ZSCAN23: variants seen among roughly 807,000 people sequenced by gnomAD.
ZSCAN23 encodes zinc finger and SCAN domain-containing protein 23.
A neutral mutation model predicts 19.3 loss-of-function variants in ZSCAN23; 19 were observed. That is an observed-to-expected ratio of 0.99 (90% CI 0.69 to 1.45). The LOEUF (loss-of-function observed/expected upper bound fraction) is 1.45. ZSCAN23 is among the 40% of genes most tolerant of loss of function. The pLI, the probability that ZSCAN23 is intolerant of heterozygous loss-of-function variation, is 0.00. For missense variants in ZSCAN23, 372 were observed against 462.5 expected (o/e 0.80, Z 1.79); for synonymous variants, 140 against 166.2 (o/e 0.84, Z 1.21).
chr6:28,429,788 C>T (rs2114027751), downstream of ZSCAN23, among the ~76,000 whole-genome samples: 1 of 152,282 alleles, frequency 6.6e-6, no homozygotes, highest in South Asian at 2.1e-4. Flanking sequence ...GCAACAGCAC[C>T]CCCTCCGAGT....
rs1761874435 is a variant in ZSCAN23 at position 28,435,901 on chromosome 6, C to T, written c.366G>A (p.Val122=). Residue 122 remains valine, a synonymous_variant, in exon 2 of 4, where the codon GTG becomes GTA. Coordinates refer to ENST00000289788, the MANE Select transcript of ZSCAN23 (RefSeq NM_001012455.2). ...CCAGCTCTCTCTCCAAATCCTCCAG[C>T]ACAGTCACTGCCTCCTCTCCACTCA... ...RPVSGEEAVT[V]LEDLERELDD... 4 of 1,612,550 alleles carry T rather than the reference C, an allele frequency of 2.5e-6. No homozygotes were observed. The highest frequency in any genetic ancestry group is 2.5e-6 in the Non-Finnish European group (3 of 1,179,164).
intron 1 of ZSCAN23, among the ~76,000 whole-genome samples, chr6:28,438,640 G>A (rs575702780): frequency 6.4e-4 from 97 of 152,204 alleles, no homozygotes; most frequent in Non-Finnish European, 1.1e-3. Flanking sequence ...GAGAAGTGCC[G>A]AGCAAAAGGG....
chr6:28,443,413 G>A lies in ZSCAN23; in HGVS notation c.-92C>T, dbSNP rs1318676993. 1 of 152,450 alleles carries A rather than the reference G, an allele frequency of 6.6e-6. No individual in the cohort carries two copies. Among genetic ancestry groups the A allele is most frequent in the Non-Finnish European group, 1.5e-5 (1 of 68,182 alleles). The allele number at this position is 152,450 out of a possible 1,614,324, so 9.4% of individuals were successfully genotyped here. On this transcript the variant is annotated 5_prime_UTR_variant, in exon 1 of 4. Transcript: ENST00000289788. ...CCGAAGCTCACCGAGGCATCCGTGA[G>A]AGGAGATGCCACCTAGCGCAGATCA...
At position 28,434,256 on chromosome 6, in the gene ZSCAN23, C is replaced by T; in HGVS notation, c.*209G>A. On this transcript the variant is annotated 3_prime_UTR_variant, in exon 4 of 4. Coordinates refer to ENST00000289788, the MANE Select transcript of ZSCAN23 (RefSeq NM_001012455.2). ...TGTGTGAAACTAGGTCTACAGCATA[C>T]ATGATGAAATCAACACAAGAGGCAA... The T allele has an allele frequency of 3.7e-6, 2 of 537,178 alleles. No individual in the cohort carries two copies. Among genetic ancestry groups the T allele is most frequent in the South Asian group, 3.8e-5 (1 of 26,424 alleles). 33.3% of individuals were successfully genotyped at this position (537,178 alleles called of 1,614,324 possible).
At chr6:28,436,848 G>C (rs1761900257) in intron 1 of ZSCAN23, among the ~76,000 whole-genome samples, 1 of 152,168 alleles carries the variant, frequency 6.6e-6, no homozygotes, top group Admixed American at 6.5e-5. Flanking sequence ...AGCCATAGGA[G>C]GTATGGAGGA....
chr6:28,436,235 T>C lies in ZSCAN23; in HGVS notation c.32A>G (p.Glu11Gly). 1 of 1,551,470 alleles carries C rather than the reference T, an allele frequency of 6.4e-7. No homozygotes were observed. Among genetic ancestry groups the C allele is most frequent in the Non-Finnish European group, 8.7e-7 (1 of 1,146,830 alleles). Residue 11 changes from glutamate to glycine, a missense_variant, in exon 2 of 4, where the codon GAG (glutamate) becomes GGG (glycine). Physicochemically the swap from Glu to Gly is moderately conservative, Grantham distance 98 (BLOSUM62 -2). Coordinates refer to ENST00000289788, the MANE Select transcript of ZSCAN23 (RefSeq NM_001012455.2). The part of the protein sequence containing the change: MAITLTLQTA[E>G]MQEGLLAVKV... ...CACTGCCAGAAGTCCTTCCTGCATCTCTGCAGTCTGAAGGGTCAAGGTTAT... is the reference window on the plus strand; with the variant it reads ...CACTGCCAGAAGTCCTTCCTGCATCCCTGCAGTCTGAAGGGTCAAGGTTAT...
At chr6:28,422,623 C>A in the ZSCAN23 span, among the ~76,000 whole-genome samples, 1 of 151,682 alleles carries the variant, frequency 6.6e-6, no homozygotes, top group African/African-American at 2.4e-5. The surrounding 1 kb of genome is among the most constrained non-coding windows in gnomAD (Gnocchi z 4.0). Flanking sequence ...CCTGTCTTTG[C>A]GATAAGAGGT....
At chr6:28,437,591 A>G (rs778769267) in intron 1 of ZSCAN23, among the ~76,000 whole-genome samples, 2 of 152,184 alleles carry the variant, frequency 1.3e-5, no homozygotes, top group Non-Finnish European at 2.9e-5. Context: ...TCAAAAAAAC[A>G]AAAACAAAAA....
chr6:28,431,226 T>A (rs1761756260), downstream of ZSCAN23, among the ~76,000 whole-genome samples: 1 of 152,354 alleles, frequency 6.6e-6, no homozygotes, highest in East Asian at 1.9e-4. Context: ...AACAGCCTTT[T>A]TCATATATAT....
At chr6:28,430,487 G>A (rs1761741644), downstream of ZSCAN23, among the ~76,000 whole-genome samples, 1 of 152,172 alleles carries the variant, frequency 6.6e-6, no homozygotes, top group African/African-American at 2.4e-5. Flanking sequence ...ACACCCACCT[G>A]AGGAAAACGG....
the ZSCAN23 span, among the ~76,000 whole-genome samples, chr6:28,423,946 G>A: frequency 1.3e-5 from 2 of 152,130 alleles, no homozygotes; most frequent in African/African-American, 4.8e-5. Flanking sequence ...GTTACTTCAA[G>A]AGTGAAGAAT....
chr6:28,423,992 T>A, the ZSCAN23 span, among the ~76,000 whole-genome samples: 2 of 152,160 alleles, frequency 1.3e-5, no homozygotes. Context: ...GAAAATTCAG[T>A]GAAATATTCA....
chr6:28,439,672 G>A (rs924155093), intron 1 of ZSCAN23, among the ~76,000 whole-genome samples: 4 of 152,128 alleles, frequency 2.6e-5, no homozygotes, highest in Non-Finnish European at 5.9e-5. Context: ...TGTTACAGAT[G>A]CTTTATATAT....
At chr6:28,440,677 G>T (rs1338476474) in intron 1 of ZSCAN23, among the ~76,000 whole-genome samples, 1 of 152,124 alleles carries the variant, frequency 6.6e-6, no homozygotes, top group African/African-American at 2.4e-5. Context: ...TGTGCCGCTT[G>T]GTTTCAAGTC....
At position 28,439,040 on chromosome 6, in the gene ZSCAN23, G is replaced by C. The variant is rs75851733; in HGVS notation, c.-77-2697C>G. On this transcript the variant is annotated intron_variant, in intron 1 of 3. Transcript: ENST00000289788. ...GTTACCTTCTGTAATCACTACCCCA[G>C]GAAATGTACAGAGGATTTTTTTCCT... is the stretch of plus-strand genomic sequence containing the variant. Among the ~76,000 whole-genome samples, 1,082 of 151,974 alleles carry C rather than the reference G, an allele frequency of 7.1e-3. 7 individuals carry two copies. Among genetic ancestry groups the C allele is most frequent in the Middle Eastern group, 0.021 (6 of 290 alleles).
chr6:28,441,991 C>T (rs1762011718), intron 1 of ZSCAN23, among the ~76,000 whole-genome samples: 1 of 151,496 alleles, frequency 6.6e-6, no homozygotes, highest in Non-Finnish European at 1.5e-5. Context: ...AATCCTCCTG[C>T]CTCAGCTTCC....
Position 28,436,332 on chromosome 6 carries a change from A to G in ZSCAN23, c.-66T>C, listed in dbSNP as rs1761888692. 2.2e-6 allele frequency: 3 copies of G among 1,379,226 alleles called. No homozygotes were observed. Among genetic ancestry groups the G allele is most frequent in the South Asian group, 3.3e-5 (2 of 60,342 alleles). The allele number at this position is 1,379,226 out of a possible 1,614,324, so 85.4% of individuals were successfully genotyped here. A position where few individuals can be genotyped will look rare whatever the true frequency, so the allele number is the denominator to read the frequency against. ...ATTCTCCCTTGATCTTTTCTTCTGG[A>G]AACCCCGAGATCTAGACAATAATTT... On this transcript the variant is annotated 5_prime_UTR_variant, in exon 2 of 4. Coordinates refer to ENST00000289788, the MANE Select transcript of ZSCAN23 (RefSeq NM_001012455.2).
chr6:28,426,447 G>C, the ZSCAN23 span, among the ~76,000 whole-genome samples: 2 of 152,208 alleles, frequency 1.3e-5, no homozygotes, highest in African/African-American at 2.4e-5. Context: ...TGGTGGAAGA[G>C]TCAGAACACA....
downstream of ZSCAN23, among the ~76,000 whole-genome samples, chr6:28,427,940 G>A (rs1761690252): frequency 6.6e-6 from 1 of 152,118 alleles, no homozygotes; most frequent in Non-Finnish European, 1.5e-5. Flanking sequence ...TTAGCCGGGT[G>A]TGATGGCGCG....
Sources: gnomAD v4.1 joint callset for allele counts (sites outside exome capture counted in the v4.1 genomes callset) on GRCh38, gnomAD v4.1.1 for gene constraint, Gnocchi (gnomAD v3.1) non-coding constraint, MANE v1.5 for transcripts, NCBI Gene and HGNC (gene_info 2026-07-23, HGNC 2026-07-21) for gene names.